LIN9: variants seen among roughly 807,000 people sequenced by gnomAD.
LIN9 encodes protein lin-9 homolog.
Under a neutral mutation model 78.0 loss-of-function variants are expected in LIN9, and 18 were observed. That is an observed-to-expected ratio of 0.23 (90% CI 0.16 to 0.34). The LOEUF (loss-of-function observed/expected upper bound fraction) is 0.34. Ranked by LOEUF, LIN9 falls within the 10% of genes least tolerant of loss-of-function variation. LIN9 has a pLI of 1.00. For missense variants in LIN9, 451 were observed against 644.1 expected, an observed-to-expected ratio of 0.70 and a Z score of 3.25; for synonymous variants, 192 against 215.2, an observed-to-expected ratio of 0.89 and a Z score of 0.94.
At chr1:226,283,353 TGA>T (rs1444107824) in intron 6 of LIN9, among the ~76,000 whole-genome samples, 1 of 145,962 alleles carries the variant, frequency 6.9e-6, no homozygotes, top group Non-Finnish European at 1.5e-5. Context: ...CTTGAGTTCC[TGA>T]GCTCAAGTGA....
Position 226,286,314 on chromosome 1 carries a change from A to C in LIN9, c.524+19T>G, listed in dbSNP as rs1661377908. The C allele has an allele frequency of 6.2e-7, 1 of 1,600,582 alleles. No individual in the cohort carries two copies. The highest frequency in any genetic ancestry group is 8.5e-7 in the Non-Finnish European group (1 of 1,176,368). On this transcript the variant is annotated intron_variant, in intron 6 of 14. Transcript: ENST00000681046. ...TGGCTTGATTTTATTTTAAACAAAA[A>C]CAAAAACATTATTTTTACCTCCGTG...
At chr1:226,239,331 T>A (rs1353286578) in intron 11 of LIN9, among the ~76,000 whole-genome samples, 1 of 152,208 alleles carries the variant, frequency 6.6e-6, no homozygotes, top group Non-Finnish European at 1.5e-5. Context: ...AGATCTTCTA[T>A]AGAGATAAAT....
chr1:226,299,103 C>G (rs1304693826), intron 2 of LIN9, among the ~76,000 whole-genome samples: 2 of 151,978 alleles, frequency 1.3e-5, no homozygotes, highest in African/African-American at 4.8e-5. Context: ...GCATAGAAAA[C>G]TGGGATGAAT....
intron 1 of LIN9, among the ~76,000 whole-genome samples, chr1:226,307,853 T>A (rs1464805765): frequency 6.6e-6 from 1 of 152,252 alleles, no homozygotes; most frequent in African/African-American, 2.4e-5. Flanking sequence ...GTAGCTTGGC[T>A]GCCCTACTGG....
At chr1:226,263,283 T>C (rs543774548) in intron 10 of LIN9, among the ~76,000 whole-genome samples, 1 of 152,296 alleles carries the variant, frequency 6.6e-6, no homozygotes, top group South Asian at 2.1e-4. Context: ...CTATGGTCTT[T>C]AGGTGAAATG....
At chr1:226,284,382 G>C (rs1661268667) in intron 6 of LIN9, among the ~76,000 whole-genome samples, 1 of 151,804 alleles carries the variant, frequency 6.6e-6, no homozygotes. Context: ...GAATTTTCCT[G>C]CTTGATTTCT....
intron 6 of LIN9, among the ~76,000 whole-genome samples, chr1:226,281,344 G>C (rs1281526982): frequency 6.6e-6 from 1 of 152,132 alleles, no homozygotes; most frequent in East Asian, 1.9e-4. Context: ...GATTAGCTAA[G>C]GGGTACAAAA....
intron 6 of LIN9, 111 bp from the exon 7 acceptor site, chr1:226,278,043 A>ATT (rs1660780088): frequency 2.4e-6 from 2 of 826,626 alleles, no homozygotes; most frequent in African/African-American, 3.5e-5. Flanking sequence ...TCCAGGCTGG[A>ATT]GTGCAGTGGC....
At chr1:226,289,361 GGTTTT>G (rs1661581149) in intron 4 of LIN9, among the ~76,000 whole-genome samples, 1 of 151,636 alleles carries the variant, frequency 6.6e-6, no homozygotes, top group Non-Finnish European at 1.5e-5. Context: ...TGTGTGTTTT[GGTTTT>G]GTTTGTTCTT....
At chr1:226,306,317 C>G (rs575207290) in intron 1 of LIN9, among the ~76,000 whole-genome samples, 1 of 151,708 alleles carries the variant, frequency 6.6e-6, no homozygotes, top group African/African-American at 2.4e-5. Flanking sequence ...CAGCAAGACT[C>G]TGTCTCAAAA....
intron 10 of LIN9, among the ~76,000 whole-genome samples, chr1:226,257,044 C>A (rs1398544885): frequency 6.6e-6 from 1 of 152,078 alleles, no homozygotes; most frequent in Middle Eastern, 3.2e-3. Context: ...GCCTCCACCT[C>A]CCAGGTCCAA....
At chr1:226,293,206 T>C (rs2102647754) in intron 4 of LIN9, among the ~76,000 whole-genome samples, 1 of 152,250 alleles carries the variant, frequency 6.6e-6, no homozygotes, top group South Asian at 2.1e-4. Flanking sequence ...TCAGAGGATA[T>C]AAAAACTTTT....
In LIN9 at chr1:226,238,957, T is replaced by C. The variant is rs907780661; in HGVS notation, c.1245+14A>G. The stretch of plus-strand genomic sequence containing the variant: ...AAATACAAATATGGAGGGAAATCTA[T>C]ACATATCACTTACCTCATAGCAATA... On this transcript the variant is annotated intron_variant, in intron 12 of 14. Transcript: ENST00000681046. 1.2e-6 allele frequency: 2 copies of C among 1,606,930 alleles called. No individual in the cohort carries two copies. Among genetic ancestry groups the C allele is most frequent in the African/African-American group, 1.3e-5 (1 of 74,592 alleles).
chr1:226,305,043 A>G (rs546352219), intron 1 of LIN9, among the ~76,000 whole-genome samples: 2 of 152,154 alleles, frequency 1.3e-5, no homozygotes, highest in East Asian at 3.9e-4. Flanking sequence ...GGTGGCACAC[A>G]TCTGTAATCA....
chr1:226,290,489 C>T (rs941397524), intron 4 of LIN9, among the ~76,000 whole-genome samples: 41 of 150,312 alleles, frequency 2.7e-4, no homozygotes, highest in South Asian at 1.7e-3. Context: ...TACAGGCGCC[C>T]GCCACCACGC....
chr1:226,309,453 T>TCCCGCCCGGGCCCCGCTCCCGGCGC (rs1663161213), upstream of LIN9: 1 of 1,087,866 alleles, frequency 9.2e-7, no homozygotes, highest in African/African-American at 1.7e-5. Flanking sequence ...AGCTCCGGAG[T>TCCCGCCCGGGCCCCGCTCCCGGCGC]CCCGCCCGGG....
chr1:226,236,150 A>G (rs1248800170), intron 12 of LIN9, among the ~76,000 whole-genome samples: 4 of 152,096 alleles, frequency 2.6e-5, no homozygotes, highest in Non-Finnish European at 5.9e-5. Flanking sequence ...GCTTCAATGA[A>G]TAACTGTATC....
intron 1 of LIN9, among the ~76,000 whole-genome samples, chr1:226,303,937 T>C (rs1014632533): frequency 6.6e-6 from 1 of 152,220 alleles, no homozygotes; most frequent in African/African-American, 2.4e-5. Context: ...CAGGATAGCA[T>C]AGTGGTTAAG....
At chr1:226,288,376 C>T (rs1661508988) in intron 4 of LIN9, among the ~76,000 whole-genome samples, 1 of 152,174 alleles carries the variant, frequency 6.6e-6, no homozygotes, top group Non-Finnish European at 1.5e-5. Flanking sequence ...ATTTCAACTA[C>T]CACCACTAAC....
Sources: allele counts gnomAD v4.1 joint callset (sites outside exome capture counted in the v4.1 genomes callset), GRCh38; gene constraint gnomAD v4.1.1; transcripts MANE v1.5; gene names NCBI Gene and HGNC (gene_info 2026-07-23, HGNC 2026-07-21).